Variants in CASD1 observed in about 807,000 individuals in gnomAD.
CASD1 encodes CAS1 domain sialic acid O acetyltransferase 1.
In CASD1, 41 loss-of-function variants were observed where a neutral mutation model predicts 100.0. That is an observed-to-expected ratio of 0.41 (90% CI 0.32 to 0.53). The LOEUF is 0.53. Among genes scored for constraint, CASD1 ranks in the 20% least tolerant of loss-of-function variants. The probability of loss-of-function intolerance (pLI) is 0.25; values close to 1 mark genes in which losing one functional copy is unlikely to be tolerated. For missense variants in CASD1, 774 were observed against 948.7 expected (o/e 0.82, Z 2.42); for synonymous variants, 321 against 315.6 (o/e 1.02, Z -0.18).
chr7:94,624,022 C>T, the CASD1 span: 1 of 393,120 alleles, frequency 2.5e-6, no homozygotes, highest in Admixed American at 4.4e-5. Flanking sequence ...AGCCAATAGA[C>T]TTACATCAAA....
the CASD1 span, chr7:94,589,419 C>T: frequency 6.5e-6 from 1 of 153,574 alleles, no homozygotes; most frequent in Non-Finnish European, 1.5e-5. Context: ...AGGGGATTGA[C>T]TTGTTTCCTC....
At chr7:94,604,612 G>A in the CASD1 span, among the ~76,000 whole-genome samples, 1 of 150,052 alleles carries the variant, frequency 6.7e-6, no homozygotes, top group Admixed American at 6.7e-5. Context: ...TATCATCACA[G>A]GTACCAAGAC....
Position 94,554,466 on chromosome 7 carries a change from T to C in CASD1, c.2035-17T>C. 1 of 1,513,432 alleles carries C rather than the reference T, an allele frequency of 6.6e-7. No individual in the cohort carries two copies. The highest frequency in any genetic ancestry group is 9.1e-7 in the Non-Finnish European group (1 of 1,096,102). The allele number at this position is 1,513,432 out of a possible 1,614,324, so 93.8% of individuals were successfully genotyped here. ...ATAAAGAGATTATTAATATTTGCTT[T>C]TGTGCTTTTTCTTTAGATTTTAGCC... On this transcript the variant is annotated splice_polypyrimidine_tract_variant and intron_variant, in intron 16 of 17. Coordinates refer to ENST00000297273, the MANE Select transcript of CASD1 (RefSeq NM_022900.5).
the CASD1 span, chr7:94,628,137 TACACACACACAC>T: frequency 8.1e-6 from 8 of 991,508 alleles, no homozygotes; most frequent in East Asian, 7.7e-5. Context: ...CAAATTACAA[TACACACACACAC>T]ACACACACAC....
At chr7:94,547,515 T>A (rs1043232954) in intron 13 of CASD1, among the ~76,000 whole-genome samples, 5 of 151,940 alleles carry the variant, frequency 3.3e-5, no homozygotes, top group African/African-American at 1.2e-4. Context: ...TGCAGCTAGT[T>A]TGTGTATTAT....
intron 15 of CASD1, 54 bp downstream of exon 15, chr7:94,551,532 GAT>G: frequency 1.4e-6 from 1 of 733,276 alleles, no homozygotes; most frequent in Non-Finnish European, 1.9e-6. Context: ...TTAACATTAA[GAT>G]ATGGAAATAT....
chr7:94,538,952 G>A lies in CASD1; in HGVS notation c.1267-15G>A. On this transcript the variant is annotated splice_polypyrimidine_tract_variant and intron_variant, in intron 9 of 17. Transcript: ENST00000297273. ...CATGATAAATTTTAAAACAGATTTT[G>A]GTTCCTTTACACAGACTAAAGTATT... 7.4e-7 allele frequency: 1 copy of A among 1,359,102 alleles called. No homozygotes were observed. Among genetic ancestry groups the A allele is most frequent in the Non-Finnish European group, 1.0e-6 (1 of 975,076 alleles). 84.2% of individuals were successfully genotyped at this position (1,359,102 alleles called of 1,614,324 possible). A position where few individuals can be genotyped will look rare whatever the true frequency, so the allele number is the denominator to read the frequency against.
At chr7:94,623,714 T>C in the CASD1 span, 117 of 408,000 alleles carry the variant, frequency 2.9e-4, no homozygotes, top group African/African-American at 2.2e-3. Flanking sequence ...TATGAATTAC[T>C]TACCAGTGAT....
downstream of CASD1, among the ~76,000 whole-genome samples, chr7:94,561,809 G>C (rs902393761): frequency 2.6e-5 from 4 of 152,104 alleles, no homozygotes; most frequent in Non-Finnish European, 4.4e-5. Flanking sequence ...GAGTTTGACT[G>C]TGGTTAACAG....
At chr7:94,603,274 CAAAAT>C in the CASD1 span, 2 of 1,604,782 alleles carry the variant, frequency 1.2e-6, no homozygotes, top group Non-Finnish European at 1.7e-6. Flanking sequence ...CTTGCAAAAA[CAAAAT>C]AAAAACTTAC....
the CASD1 span, chr7:94,599,846 A>T: frequency 1.3e-6 from 1 of 775,996 alleles, no homozygotes; most frequent in Non-Finnish European, 2.3e-6. Context: ...AAATGCAACC[A>T]GGCAGCATTT....
intron 5 of CASD1, among the ~76,000 whole-genome samples, chr7:94,532,436 T>C (rs1044598608): frequency 3.9e-5 from 6 of 152,096 alleles, no homozygotes; most frequent in Admixed American, 6.6e-5. Context: ...AAGTGACTAA[T>C]GGGCAGGTAG....
chr7:94,533,481 CA>C (rs148151290), intron 6 of CASD1, among the ~76,000 whole-genome samples, 197 bp from the exon 7 acceptor site: 170 of 152,150 alleles, frequency 1.1e-3, no homozygotes, highest in Middle Eastern at 3.4e-3. Flanking sequence ...GAATGTTATA[CA>C]TTGAAAGTAT....
At chr7:94,590,365 C>G in the CASD1 span, among the ~76,000 whole-genome samples, 1 of 152,122 alleles carries the variant, frequency 6.6e-6, no homozygotes, top group African/African-American at 2.4e-5. Context: ...TGCTTTCATT[C>G]ACATGCTGAT....
In CASD1 at chr7:94,528,244, G is replaced by A; in HGVS notation, c.453G>A (p.Trp151Ter). Residue 151 changes from tryptophan (W) to a stop codon, truncating the protein, a stop_gained, in exon 5 of 18, where the codon TGG becomes TGA. Transcript: ENST00000297273. LOFTEE classifies it high-confidence loss of function. ...NGSMKQCIKV[W>*]TEDSIAKPHV... ...CTATGAAACAGTGTATCAAAGTGTG[G>A]ACTGAGGTCTGTATTTAAAAAACAT... The A allele has an allele frequency of 1.3e-6, 2 of 1,589,144 alleles. No individual in the cohort carries two copies. Among genetic ancestry groups the A allele is most frequent in the Non-Finnish European group, 1.7e-6 (2 of 1,169,768 alleles).
the CASD1 span, among the ~76,000 whole-genome samples, chr7:94,631,392 C>T: frequency 6.6e-6 from 1 of 151,796 alleles, no homozygotes; most frequent in Admixed American, 6.6e-5. Flanking sequence ...CACTGCTTTC[C>T]AGGAGTTCAC....
intron 10 of CASD1, among the ~76,000 whole-genome samples, chr7:94,543,889 A>G (rs551541510): frequency 6.6e-6 from 1 of 152,334 alleles, no homozygotes; most frequent in African/African-American, 2.4e-5. Context: ...AAATGACATT[A>G]AGGGACTTGG....
intron 1 of CASD1, among the ~76,000 whole-genome samples, chr7:94,517,353 A>G (rs1159320481): frequency 1.3e-5 from 2 of 152,222 alleles, no homozygotes; most frequent in Non-Finnish European, 2.9e-5. Context: ...TAGGTGAAGT[A>G]TAAGCCATCA....
At chr7:94,588,091 A>T in the CASD1 span, 4 of 1,223,022 alleles carry the variant, frequency 3.3e-6, no homozygotes, top group Non-Finnish European at 4.1e-6. Context: ...CTCAGTATAG[A>T]GATGAATGAA....
Sources: gnomAD v4.1 joint callset for allele counts (sites outside exome capture counted in the v4.1 genomes callset) on GRCh38, gnomAD v4.1.1 for gene constraint, MANE v1.5 for transcripts, NCBI Gene and HGNC (gene_info 2026-07-23, HGNC 2026-07-21) for gene names.